Variants in DLG2 observed in about 807,000 individuals in gnomAD.
The protein encoded by DLG2 is disks large homolog 2.
A neutral mutation model predicts 132.5 loss-of-function variants in DLG2; 45 were observed. That is an observed-to-expected ratio of 0.34 (90% CI 0.27 to 0.44). The LOEUF (loss-of-function observed/expected upper bound fraction) is 0.44, where lower values mean the gene tolerates loss of function less well. Ranked by LOEUF, DLG2 falls within the 20% of genes least tolerant of loss-of-function variation. DLG2 has a pLI of 1.00. For synonymous variants in DLG2, 424 were observed against 419.6 expected, an observed-to-expected ratio of 1.01 and a Z score of -0.13; for missense variants, 1,045 against 1,196.9, an observed-to-expected ratio of 0.87 and a Z score of 1.87.
At chr11:84,127,738 G>C (rs1034825100) in intron 9 of DLG2, among the ~76,000 whole-genome samples, 2 of 152,130 alleles carry the variant, frequency 1.3e-5, no homozygotes, top group Non-Finnish European at 2.9e-5. Context: ...TCAGCCTTCT[G>C]TCTTTGCCTT....
intron 3 of DLG2, among the ~76,000 whole-genome samples, chr11:85,314,632 A>G (rs1289721200): frequency 6.6e-6 from 1 of 151,912 alleles, no homozygotes; most frequent in African/African-American, 2.4e-5. Context: ...TCCTTTATTT[A>G]GGAGGAGCAA....
chr11:85,284,203 T>A (rs1421513194), intron 4 of DLG2, among the ~76,000 whole-genome samples: 3 of 151,916 alleles, frequency 2.0e-5, no homozygotes, highest in Non-Finnish European at 4.4e-5. Flanking sequence ...ATTAGGATGA[T>A]GCTTATTTTT....
intron 6 of DLG2, among the ~76,000 whole-genome samples, chr11:84,698,972 G>A (rs185106604): frequency 6.1e-4 from 92 of 151,570 alleles, no homozygotes; most frequent in Non-Finnish European, 1.0e-3. Flanking sequence ...AGAATTTTCA[G>A]TCATCTTCTG....
In DLG2 at chr11:83,715,193, T is replaced by C. The variant is rs78705756; in HGVS notation, c.1825+71497A>G. 3.1e-3 allele frequency among the ~76,000 whole-genome samples: 479 copies of C among 152,286 alleles called. 3 individuals carry two copies. The highest frequency in any genetic ancestry group is 0.01 in the African/African-American group (436 of 41,560). On this transcript the variant is annotated intron_variant, in intron 18 of 27. Transcript: ENST00000376104. Reference sequence around the variant, plus strand: ...GAGGATCAAAAACTCACAGGAATCATTGGTGTTCTGGGAAAGAATCCTCAA... The same window carrying C: ...GAGGATCAAAAACTCACAGGAATCACTGGTGTTCTGGGAAAGAATCCTCAA...
intron 3 of DLG2, among the ~76,000 whole-genome samples, chr11:85,538,955 G>A (rs2153202410): frequency 6.6e-6 from 1 of 151,826 alleles, no homozygotes; most frequent in South Asian, 2.1e-4. Context: ...TTAAATATGT[G>A]ACAAACCTGC....
intron 4 of DLG2, among the ~76,000 whole-genome samples, chr11:85,209,445 C>CTTTTTT (rs1164394816): frequency 0.68 from 50,489 of 74,132 alleles, 20,356 homozygotes; most frequent in Non-Finnish European, 0.78. Context: ...AGAAATCAGT[C>CTTTTTT]TTTTTTTTTT....
intron 3 of DLG2, among the ~76,000 whole-genome samples, chr11:85,546,152 A>C (rs1205585580): frequency 1.3e-5 from 2 of 152,110 alleles, no homozygotes; most frequent in South Asian, 4.1e-4. Flanking sequence ...CCCTCTACAC[A>C]CTGCTTTAAA....
chr11:84,912,403 G>A (rs533068777), intron 6 of DLG2, among the ~76,000 whole-genome samples: 7 of 152,308 alleles, frequency 4.6e-5, no homozygotes, highest in Admixed American at 1.3e-4. Context: ...TGATCCGCCC[G>A]CCTGGGCCTC....
intron 6 of DLG2, among the ~76,000 whole-genome samples, chr11:84,789,856 C>T (rs1010853198): frequency 1.3e-5 from 2 of 152,058 alleles, no homozygotes; most frequent in African/African-American, 2.4e-5. Context: ...CTGTGCCTGG[C>T]CTATTTCACT....
intron 9 of DLG2, 114 bp from the exon 10 acceptor site, chr11:84,099,161 T>G (rs2092157764): frequency 1.1e-6 from 1 of 937,282 alleles, no homozygotes; most frequent in South Asian, 1.6e-5. Flanking sequence ...GACAACAGTC[T>G]TGTATGCTAA....
At chr11:85,033,423 TG>T (rs1258659827) in intron 6 of DLG2, among the ~76,000 whole-genome samples, 4 of 150,246 alleles carry the variant, frequency 2.7e-5, no homozygotes, top group Non-Finnish European at 5.9e-5. Context: ...TACAAGCATC[TG>T]GTAAGGATAA....
intron 3 of DLG2, among the ~76,000 whole-genome samples, chr11:85,555,445 T>C (rs1246473123): frequency 6.6e-6 from 1 of 151,872 alleles, no homozygotes; most frequent in African/African-American, 2.4e-5. Flanking sequence ...CAGAGAATGA[T>C]ACCCCAACAT....
intron 3 of DLG2, among the ~76,000 whole-genome samples, chr11:85,456,454 A>G (rs1159996718): frequency 6.6e-6 from 1 of 152,054 alleles, no homozygotes; most frequent in Non-Finnish European, 1.5e-5. Flanking sequence ...GTGTTTTCAC[A>G]TCTCAAATTC....
intron 7 of DLG2, among the ~76,000 whole-genome samples, chr11:84,467,960 T>C (rs986495961): frequency 1.3e-5 from 2 of 151,528 alleles, no homozygotes; most frequent in African/African-American, 2.4e-5. Flanking sequence ...CCAGGAAATA[T>C]GAACATTTAT....
intron 4 of DLG2, among the ~76,000 whole-genome samples, chr11:85,242,968 G>A (rs1246343536): frequency 1.3e-5 from 2 of 151,974 alleles, no homozygotes; most frequent in Admixed American, 1.3e-4. Context: ...CCAGAAGTCT[G>A]AAGTATAGCT....
intron 18 of DLG2, 173 bp downstream of exon 18, chr11:83,786,517 A>G: frequency 1.8e-6 from 1 of 562,794 alleles, no homozygotes; most frequent in Non-Finnish European, 3.2e-6. Context: ...GGAAGATTAG[A>G]GGTAACAAAG....
At position 85,627,211 on chromosome 11, in the gene DLG2, A is replaced by C. The variant is rs774502581; in HGVS notation, c.-260+7T>G. On this transcript the variant is annotated splice_region_variant and intron_variant, in intron 1 of 27. Transcript: ENST00000376104. ...TATATTTACTGATCAGAAGTTCCGG[A>C]TCTCACCCCCTCAGTAACTCAGAAT... The C allele has an allele frequency of 6.6e-6, 1 of 152,078 alleles. No homozygotes were observed. Among genetic ancestry groups the C allele is most frequent in the Admixed American group, 6.6e-5 (1 of 15,266 alleles). 9.4% of individuals were successfully genotyped at this position (152,078 alleles called of 1,614,324 possible).
intron 4 of DLG2, among the ~76,000 whole-genome samples, chr11:85,175,482 C>T (rs1397236038): frequency 1.3e-5 from 2 of 151,926 alleles, no homozygotes; most frequent in Non-Finnish European, 2.9e-5. Context: ...AAGAGCAATA[C>T]ATGACAAACC....
chr11:84,783,142 C>T (rs1246013758), intron 6 of DLG2, among the ~76,000 whole-genome samples: 1 of 152,158 alleles, frequency 6.6e-6, no homozygotes, highest in Non-Finnish European at 1.5e-5. Context: ...ATCAATCTTA[C>T]ATCCTCAGCT....
Sources: allele counts gnomAD v4.1 joint callset (sites outside exome capture counted in the v4.1 genomes callset), GRCh38; gene constraint gnomAD v4.1.1; transcripts MANE v1.5; gene names NCBI Gene and HGNC (gene_info 2026-07-23, HGNC 2026-07-21).